NUP93: variants seen among roughly 807,000 people sequenced by gnomAD.
NUP93 encodes the protein nucleoporin 93, also known as nuclear pore complex protein Nup93.
NUP93 carries 55 observed loss-of-function variants against 107.8 expected under a neutral mutation model. That is an observed-to-expected ratio of 0.51 (90% CI 0.41 to 0.64). The LOEUF is 0.64. NUP93 is among the 30% of genes least tolerant of loss of function. The pLI, the probability that NUP93 is intolerant of heterozygous loss-of-function variation, is 0.00. For synonymous variants in NUP93, 390 were observed against 397.5 expected, an observed-to-expected ratio of 0.98 and a Z score of 0.22; for missense variants, 937 against 1,044.7, an observed-to-expected ratio of 0.90 and a Z score of 1.42.
intron 5 of NUP93, among the ~76,000 whole-genome samples, chr16:56,815,865 A>ACTGCTGCTGCTGCTGCTGCTG (rs59958027): frequency 6.8e-5 from 10 of 147,078 alleles, no homozygotes; most frequent in South Asian, 2.2e-4. Context: ...TACTACTGCT[A>ACTGCTGCTGCTGCTGCTGCTG]CTGCTGCTGC....
intron 13 of NUP93, 104 bp downstream of exon 13, chr16:56,833,510 A>G: frequency 2.2e-6 from 2 of 921,760 alleles, no homozygotes; most frequent in Non-Finnish European, 3.1e-6. Flanking sequence ...AGCAAAGGGT[A>G]CCAGTCATTT....
At position 56,848,552 on chromosome 16, in the gene NUP93, A is replaced by G. The variant is rs538853000; in HGVS notation, c.*3943A>G. The G allele has an allele frequency of 6.2e-4, 95 of 152,354 alleles. No individual in the cohort carries two copies. Among genetic ancestry groups the G allele is most frequent in the African/African-American group, 1.8e-3 (76 of 41,566 alleles). The allele number at this position is 152,354 out of a possible 1,614,324, so 9.4% of individuals were successfully genotyped here. A position where few individuals can be genotyped will look rare whatever the true frequency, so the allele number is the denominator to read the frequency against. ...TCTTCCACCATCTTCTGACAGTTCC[A>G]TAATATATTGGTATCCCTCACAGGG... On this transcript the variant is annotated 3_prime_UTR_variant, in exon 22 of 22. Coordinates refer to ENST00000308159, the MANE Select transcript of NUP93 (RefSeq NM_014669.5).
chr16:56,779,199 C>G (rs1215735614), intron 3 of NUP93, among the ~76,000 whole-genome samples: 2 of 152,182 alleles, frequency 1.3e-5, no homozygotes, highest in African/African-American at 4.8e-5. Flanking sequence ...GGGTAAAGTT[C>G]TATATATGGT....
rs1961856552 is a variant in NUP93 at position 56,748,309 on chromosome 16, A to T, written c.62A>T (p.Glu21Val). The T allele has an allele frequency of 1.2e-6, 2 of 1,613,794 alleles. No homozygotes were observed. Among genetic ancestry groups the T allele is most frequent in the African/African-American group, 2.7e-5 (2 of 74,918 alleles). Reference sequence around the variant, plus strand: ...GCTGAACAGCTTGCTGCTGAGACTGAGGGCATCTCAGAGCTTCCCCATGTG... The same window carrying T: ...GCTGAACAGCTTGCTGCTGAGACTGTGGGCATCTCAGAGCTTCCCCATGTG... ...QQAEQLAAET[E>V]GISELPHVER... The change falls in exon 2 of 22, where the codon GAG (glutamate) becomes GTG (valine). Residue 21 changes from glutamate to valine, a missense_variant. Physicochemically the swap from Glu to Val is moderately radical, Grantham distance 121 (BLOSUM62 -2). Coordinates refer to ENST00000308159, the MANE Select transcript of NUP93 (RefSeq NM_014669.5).
intron 16 of NUP93, 122 bp downstream of exon 16, chr16:56,834,900 A>C: frequency 1.3e-6 from 1 of 742,256 alleles, no homozygotes. Context: ...AGAGTTGCTT[A>C]ATTTAAAAAA....
chr16:56,749,569 C>T (rs4238790), intron 2 of NUP93, among the ~76,000 whole-genome samples: 133,800 of 152,244 alleles, frequency 0.88, 59,107 homozygotes, highest in East Asian at 0.99. Context: ...CAGTCTTCAT[C>T]CCTTGAACTT....
At chr16:56,731,834 C>T (rs1216783836) in intron 1 of NUP93, among the ~76,000 whole-genome samples, 1 of 151,988 alleles carries the variant, frequency 6.6e-6, no homozygotes, top group Non-Finnish European at 1.5e-5. Context: ...GTTTTTTGCA[C>T]AGCAGCTAGA....
intron 5 of NUP93, 28 bp downstream of exon 5, chr16:56,805,660 T>C: frequency 6.2e-7 from 1 of 1,601,496 alleles, no homozygotes; most frequent in African/African-American, 1.3e-5. Flanking sequence ...GATAAACTAC[T>C]GTTAATAAAA....
At chr16:56,818,195 T>G (rs1160530320) in intron 5 of NUP93, among the ~76,000 whole-genome samples, 1 of 152,208 alleles carries the variant, frequency 6.6e-6, no homozygotes, top group Non-Finnish European at 1.5e-5. Flanking sequence ...GTTGTCTTAG[T>G]GTGGATTCTA....
chr16:56,802,492 G>A (rs1963042766), intron 4 of NUP93, among the ~76,000 whole-genome samples: 1 of 152,126 alleles, frequency 6.6e-6, no homozygotes, highest in South Asian at 2.1e-4. Context: ...TTGGAAGACT[G>A]TTTTTAAAAT....
intron 20 of NUP93, 75 bp downstream of exon 20, chr16:56,839,679 T>TA (rs772323490): frequency 8.8e-7 from 1 of 1,137,834 alleles, no homozygotes; most frequent in Non-Finnish European, 1.3e-6. Flanking sequence ...TTCCTGTACC[T>TA]AACAGCTTTA....
intron 3 of NUP93, among the ~76,000 whole-genome samples, chr16:56,793,539 A>G (rs926776573): frequency 3.3e-5 from 5 of 152,118 alleles, no homozygotes; most frequent in Non-Finnish European, 7.4e-5. Flanking sequence ...CTCATAAGCT[A>G]TATGAGTACA....
chr16:56,834,111 T>C lies in NUP93; in HGVS notation c.1538-17T>C. The C allele has an allele frequency of 6.2e-7, 1 of 1,613,982 alleles. No homozygotes were observed. The highest frequency in any genetic ancestry group is 1.1e-5 in the South Asian group (1 of 91,082). ...GGGGCAGTGTGGTTGTGACCCATTC[T>C]GACCCCCACAATGCAGTCAGCCACG... is the stretch of plus-strand genomic sequence containing the variant. On this transcript the variant is annotated splice_polypyrimidine_tract_variant and intron_variant, in intron 13 of 21. Transcript: ENST00000308159.
chr16:56,835,518 T>C (rs1561141), intron 16 of NUP93, among the ~76,000 whole-genome samples: 133,857 of 152,250 alleles, frequency 0.88, 59,163 homozygotes, highest in East Asian at 0.99. Context: ...TTGTGCTGAG[T>C]GCTTTGCATA....
intron 4 of NUP93, among the ~76,000 whole-genome samples, chr16:56,803,693 A>C (rs1240560692): frequency 6.6e-6 from 1 of 152,046 alleles, no homozygotes; most frequent in African/African-American, 2.4e-5. Flanking sequence ...TCAAAACCAC[A>C]GTGAGATACC....
chr16:56,730,363 G>C (rs1272974199), intron 1 of NUP93, among the ~76,000 whole-genome samples, 152 bp downstream of exon 1: 3 of 152,160 alleles, frequency 2.0e-5, no homozygotes, highest in Non-Finnish European at 4.4e-5. Flanking sequence ...TGACGCCGGC[G>C]ACACAACGCC....
At position 56,832,281 on chromosome 16, in the gene NUP93, T is replaced by C; in HGVS notation, c.1252-14T>C. ...TCATTTGTACCAATGCATGTGTTTC[T>C]CTTGGGGATTTAGTTGAACCAAGTG... On this transcript the variant is annotated splice_polypyrimidine_tract_variant and intron_variant, in intron 11 of 21. Transcript: ENST00000308159. 1.2e-6 allele frequency: 2 copies of C among 1,610,694 alleles called. No homozygotes were observed. Among genetic ancestry groups the C allele is most frequent in the Non-Finnish European group, 1.7e-6 (2 of 1,176,814 alleles).
intron 3 of NUP93, among the ~76,000 whole-genome samples, chr16:56,763,799 A>C (rs951136322): frequency 6.6e-6 from 1 of 151,636 alleles, no homozygotes; most frequent in Non-Finnish European, 1.5e-5. Context: ...TGTTGTTGGA[A>C]TTGACTTAGC....
At chr16:56,736,374 T>C (rs1961613437) in intron 1 of NUP93, among the ~76,000 whole-genome samples, 1 of 152,188 alleles carries the variant, frequency 6.6e-6, no homozygotes, top group Admixed American at 6.5e-5. Flanking sequence ...AATGAGAGTT[T>C]GGAGAGTGAG....
Sources: allele counts gnomAD v4.1 joint callset (sites outside exome capture counted in the v4.1 genomes callset), GRCh38; gene constraint gnomAD v4.1.1; transcripts MANE v1.5; gene names NCBI Gene and HGNC (gene_info 2026-07-23, HGNC 2026-07-21).